The following DPY19L2 variants were observed in gnomAD, a reference collection of about 807,000 sequenced individuals.
The protein encoded by DPY19L2 is dpy-19 like 2.
In DPY19L2, 34 loss-of-function variants were observed where a neutral mutation model predicts 97.9. The ratio of observed to expected loss-of-function variants is 0.35; its 90% CI spans 0.26 to 0.46. The LOEUF (loss-of-function observed/expected upper bound fraction) is 0.46. Among genes scored for constraint, DPY19L2 ranks in the 20% least tolerant of loss-of-function variants. The probability of loss-of-function intolerance (pLI) is 1.00; values close to 1 mark genes in which losing one functional copy is unlikely to be tolerated. For missense variants in DPY19L2, 623 were observed against 911.4 expected (o/e 0.68, Z 4.07); for synonymous variants, 230 against 307.9 (o/e 0.75, Z 2.65).
At chr12:63,637,360 A>T (rs1259314606) in intron 6 of DPY19L2, among the ~76,000 whole-genome samples, 4 of 151,908 alleles carry the variant, frequency 2.6e-5, no homozygotes, top group Admixed American at 6.6e-5. Context: ...ACACCCTAAC[A>T]TCACAATTAA....
chr12:63,592,007 AGGGGAGGGGAGGGGAGGGGAGGGGAGGGG>A (rs1278112172), intron 16 of DPY19L2, among the ~76,000 whole-genome samples: 4 of 2,678 alleles, frequency 1.5e-3, no homozygotes, highest in Non-Finnish European at 2.2e-3. Context: ...AGGGGAAGGG[AGGGGAGGGGAGGGGAGGGGAGGGGAGGGG>A]AGGGGAGGGA....
chr12:63,624,492 G>T (rs140759340), intron 7 of DPY19L2, among the ~76,000 whole-genome samples: 1 of 151,930 alleles, frequency 6.6e-6, no homozygotes, highest in African/African-American at 2.4e-5. Flanking sequence ...CAGGCTTTGG[G>T]ATATATGCAT....
chr12:63,577,337 A>G (rs1880031997), intron 19 of DPY19L2, among the ~76,000 whole-genome samples: 1 of 152,142 alleles, frequency 6.6e-6, no homozygotes, highest in Admixed American at 6.5e-5. Flanking sequence ...AATTACTACA[A>G]GAAAACTTTG....
At chr12:63,658,680 CTCTGTGTGATGTGACTTG>C (rs1484310874) in intron 4 of DPY19L2, among the ~76,000 whole-genome samples, 5 of 152,266 alleles carry the variant, frequency 3.3e-5, no homozygotes, top group Non-Finnish European at 5.9e-5. Context: ...TCTCCTGTGG[CTCTGTGTGATGTGACTTG>C]TCCTCTTCTC....
At chr12:63,584,037 A>G (rs1565715385) in intron 16 of DPY19L2, 4 of 514,078 alleles carry the variant, frequency 7.8e-6, no homozygotes, top group South Asian at 2.5e-5. Flanking sequence ...TAGTCATCCT[A>G]TTCAAGATAT....
intron 19 of DPY19L2, among the ~76,000 whole-genome samples, chr12:63,571,062 A>T (rs1028383592): frequency 6.6e-6 from 1 of 152,030 alleles, no homozygotes; most frequent in African/African-American, 2.4e-5. Flanking sequence ...TTGGGGCTAG[A>T]AATTGTGCTC....
intron 21 of DPY19L2, among the ~76,000 whole-genome samples, chr12:63,562,813 T>TTC (rs1555178496): frequency 6.6e-6 from 1 of 151,800 alleles, no homozygotes; most frequent in African/African-American, 2.4e-5. Context: ...TTTTTTTTTT[T>TTC]CTGAGACAAG....
rs1159454866 is a variant in DPY19L2 at position 63,559,439 on chromosome 12, A to G, written c.*1073T>C. On this transcript the variant is annotated 3_prime_UTR_variant, in exon 22 of 22. Transcript: ENST00000324472. ...TTTCATATTTATAAAGCAGACAAAA[A>G]GAATGTTTATCTTTGCATTTGGCAA... The G allele has an allele frequency of 6.6e-6, 1 of 152,590 alleles. No individual in the cohort carries two copies. Among genetic ancestry groups the G allele is most frequent in the Non-Finnish European group, 1.5e-5 (1 of 68,016 alleles). 9.5% of individuals were successfully genotyped at this position (152,590 alleles called of 1,614,324 possible).
intron 4 of DPY19L2, among the ~76,000 whole-genome samples, chr12:63,660,467 C>T (rs1188812850): frequency 6.6e-6 from 1 of 151,858 alleles, no homozygotes; most frequent in Non-Finnish European, 1.5e-5. Flanking sequence ...TGGATGGATA[C>T]ACACATCAAA....
intron 21 of DPY19L2, among the ~76,000 whole-genome samples, chr12:63,563,926 CATA>C (rs1410726808): frequency 6.6e-6 from 1 of 152,012 alleles, no homozygotes; most frequent in Non-Finnish European, 1.5e-5. Context: ...CAAGGTCATT[CATA>C]ATAAGGTAAT....
chr12:63,635,362 A>T (rs1049472158), intron 6 of DPY19L2, among the ~76,000 whole-genome samples: 1 of 152,152 alleles, frequency 6.6e-6, no homozygotes, highest in African/African-American at 2.4e-5. Context: ...AAAATTCTAA[A>T]AACCGGAGTG....
intron 16 of DPY19L2, among the ~76,000 whole-genome samples, chr12:63,588,952 AC>A (rs1378227758): frequency 3.3e-5 from 5 of 151,760 alleles, no homozygotes; most frequent in Admixed American, 3.3e-4. Flanking sequence ...ACGGGGTTTC[AC>A]CATGTTAGCC....
rs1388086274 is a variant in DPY19L2 at position 63,600,374 on chromosome 12, T to C, written c.1291A>G (p.Ser431Gly). ...SKLNFWLIQG[S>G]AWWCGTIILK... ...ATGATTGTTCCACACCACCAGGCAC[T>C]ACCTTGAATTAGCTAGAAAATAAAA... Residue 431 changes from serine (S) to glycine (G), a missense_variant, in exon 13 of 22, where the codon AGT (serine) becomes GGT (glycine). This residue lies in a region of DPY19L2 where 294 missense variants were observed against 446.2 expected (regional missense o/e 0.66). Coordinates refer to ENST00000324472, the MANE Select transcript of DPY19L2 (RefSeq NM_173812.5). 3.8e-6 allele frequency: 6 copies of C among 1,591,730 alleles called. No homozygotes were observed. The highest frequency in any genetic ancestry group is 4.6e-4 in the Middle Eastern group (2 of 4,374).
chr12:63,634,632 A>C (rs1176404669), intron 6 of DPY19L2, among the ~76,000 whole-genome samples: 2 of 151,862 alleles, frequency 1.3e-5, no homozygotes, highest in African/African-American at 4.8e-5. Flanking sequence ...CCAGGAGATT[A>C]CATCCCGCAC....
intron 9 of DPY19L2, chr12:63,619,992 A>T (rs1223429850): frequency 4.4e-6 from 2 of 455,780 alleles, no homozygotes; most frequent in Non-Finnish European, 4.4e-6. Context: ...TACTTTAAAC[A>T]TGCAGCACCA....
intron 7 of DPY19L2, among the ~76,000 whole-genome samples, 178 bp downstream of exon 7, chr12:63,626,291 T>C (rs1889523466): frequency 6.6e-6 from 1 of 151,722 alleles, no homozygotes; most frequent in Admixed American, 6.6e-5. Flanking sequence ...ATGTTTGAAA[T>C]TCTAGCTATT....
intron 16 of DPY19L2, among the ~76,000 whole-genome samples, chr12:63,587,765 G>GT (rs1378898043): frequency 5.3e-5 from 8 of 151,500 alleles, no homozygotes; most frequent in South Asian, 4.2e-4. Context: ...TGGAGACAGG[G>GT]TTTCACCGTG....
intron 11 of DPY19L2, among the ~76,000 whole-genome samples, chr12:63,615,176 T>C (rs544544568): frequency 6.6e-6 from 1 of 152,250 alleles, no homozygotes; most frequent in East Asian, 1.9e-4. Context: ...ATCCCTATGT[T>C]CCTAATGAAA....
chr12:63,640,422 G>A (rs1183082321), intron 6 of DPY19L2, among the ~76,000 whole-genome samples: 1 of 152,146 alleles, frequency 6.6e-6, no homozygotes, highest in African/African-American at 2.4e-5. Context: ...ATTGGAAGAA[G>A]GGGAAAGATA....
Sources: allele counts gnomAD v4.1 joint callset (sites outside exome capture counted in the v4.1 genomes callset), GRCh38; gene constraint gnomAD v4.1.1; regional missense constraint gnomAD v4.1.1; transcripts MANE v1.5; gene names NCBI Gene and HGNC (gene_info 2026-07-23, HGNC 2026-07-21).